GALNT9: variants seen among roughly 807,000 people sequenced by gnomAD.
GALNT9 encodes polypeptide N-acetylgalactosaminyltransferase 9.
GALNT9 carries 47 observed loss-of-function variants against 63.1 expected under a neutral mutation model. The ratio of observed to expected loss-of-function variants is 0.75; its 90% CI spans 0.59 to 0.95. The LOEUF is 0.95. GALNT9 is among the 40% of genes least tolerant of loss of function. GALNT9 has a pLI of 0.00. For synonymous variants in GALNT9, 396 were observed against 365.7 expected, an observed-to-expected ratio of 1.08 and a Z score of -0.94; for missense variants, 829 against 874.8, an observed-to-expected ratio of 0.95 and a Z score of 0.66.
chr12:132,287,498 C>A (rs1243201712), intron 1 of GALNT9, among the ~76,000 whole-genome samples: 2 of 152,154 alleles, frequency 1.3e-5, no homozygotes, highest in African/African-American at 4.8e-5. Flanking sequence ...AGAACCGAGC[C>A]GTCGACACAG....
intron 5 of GALNT9, among the ~76,000 whole-genome samples, chr12:132,250,699 G>A (rs1354104362): frequency 1.3e-5 from 2 of 152,228 alleles, no homozygotes; most frequent in Non-Finnish European, 2.9e-5. Context: ...GCTGAGGCAG[G>A]AGAATCACTT....
intron 6 of GALNT9, among the ~76,000 whole-genome samples, chr12:132,231,025 C>A (rs1877873073): frequency 6.9e-6 from 1 of 144,198 alleles, no homozygotes; most frequent in South Asian, 2.2e-4. Flanking sequence ...TAGTGCCACA[C>A]ACTCGATGGG....
chr12:132,299,298 C>G, intron 1 of GALNT9, among the ~76,000 whole-genome samples: 1 of 143,192 alleles, frequency 7.0e-6, no homozygotes, highest in East Asian at 2.2e-4. Context: ...CTCACCCACT[C>G]CCACCACATC....
intron 1 of GALNT9, among the ~76,000 whole-genome samples, chr12:132,308,749 T>G (rs1250322586): frequency 6.6e-6 from 1 of 152,190 alleles, no homozygotes; most frequent in Non-Finnish European, 1.5e-5. Flanking sequence ...ACAGTGAGGC[T>G]CACCGTGGCC....
intron 6 of GALNT9, among the ~76,000 whole-genome samples, chr12:132,214,361 G>A (rs1363950612): frequency 6.6e-6 from 1 of 152,200 alleles, no homozygotes; most frequent in Non-Finnish European, 1.5e-5. Flanking sequence ...TGTATCTGAT[G>A]CTTTGACATC....
At chr12:132,308,966 G>C (rs1881718068) in intron 1 of GALNT9, among the ~76,000 whole-genome samples, 1 of 152,200 alleles carries the variant, frequency 6.6e-6, no homozygotes, top group South Asian at 2.1e-4. Flanking sequence ...CGGCTGTGGA[G>C]CAGGGGTCAG....
chr12:132,209,352 C>A (rs1284972977), intron 6 of GALNT9, among the ~76,000 whole-genome samples: 4 of 151,654 alleles, frequency 2.6e-5, no homozygotes, highest in African/African-American at 9.7e-5. Context: ...TGGTGAAATG[C>A]CGTCTTTACT....
chr12:132,240,732 G>A (rs2136899333), intron 6 of GALNT9: 2 of 455,750 alleles, frequency 4.4e-6, no homozygotes, highest in Non-Finnish European at 8.8e-6. Flanking sequence ...CTGTTTCCTG[G>A]GAAGTTACCA....
At chr12:132,214,239 AGCGACTCCGCCCTCCCTCACCACACCG>A (rs1432080540) in intron 6 of GALNT9, among the ~76,000 whole-genome samples, 1 of 152,184 alleles carries the variant, frequency 6.6e-6, no homozygotes, top group Non-Finnish European at 1.5e-5. Flanking sequence ...TAACCAGGCC[AGCGACTCCGCCCTCCCTCACCACACCG>A]GCGACTCCAC....
At chr12:132,225,485 CAT>C in intron 6 of GALNT9, among the ~76,000 whole-genome samples, 1 of 148,652 alleles carries the variant, frequency 6.7e-6, no homozygotes, top group South Asian at 2.2e-4. Flanking sequence ...ATCCCACACA[CAT>C]ACATACCACA....
At chr12:132,306,411 C>T (rs1555244660) in intron 1 of GALNT9, among the ~76,000 whole-genome samples, 4 of 152,118 alleles carry the variant, frequency 2.6e-5, no homozygotes, top group Non-Finnish European at 5.9e-5. Flanking sequence ...AGGGGCGCCC[C>T]GGAGCCATGC....
chr12:132,293,042 T>C lies in GALNT9; in HGVS notation c.239-6612A>G, dbSNP rs77980833. Among the ~76,000 whole-genome samples the C allele has an allele frequency of 5.8e-3, 874 of 151,986 alleles. 36 individuals carry two copies. The East Asian group carries it at 0.11, about 20-fold the overall frequency. ...GGGTTTCAGCTCTGTTCACCAGGTG[T>C]GGGAGTGGCGGGGCCAGGGCTGCCA... On this transcript the variant is annotated intron_variant, in intron 1 of 10. Coordinates refer to ENST00000328957, the MANE Select transcript of GALNT9 (RefSeq NM_001122636.2).
chr12:132,290,198 C>T (rs1200241667), intron 1 of GALNT9, among the ~76,000 whole-genome samples: 1 of 152,116 alleles, frequency 6.6e-6, no homozygotes, highest in Non-Finnish European at 1.5e-5. Flanking sequence ...CGATGATGTC[C>T]CTGTTCCCAG....
Position 132,312,932 on chromosome 12 carries a change from C to T in GALNT9, c.238+16034G>A, listed in dbSNP as rs192302525. 5.3e-5 allele frequency among the ~76,000 whole-genome samples: 8 copies of T among 152,234 alleles called. No individual in the cohort carries two copies. The South Asian group carries it at 8.3e-4, about 16-fold the overall frequency. On this transcript the variant is annotated intron_variant, in intron 1 of 10. Transcript: ENST00000328957. ...AACTCCACATGGATGCACTGGGACC[C>T]AACCTGCCTTCCTCGTCTTCTCTCG...
rs1380672563 is a variant in GALNT9, at chr12:132,327,664, G to C, written c.238+1302C>G. On this transcript the variant is annotated intron_variant, in intron 1 of 10. Transcript: ENST00000328957. This position sits in a 1 kb window ranked among gnomAD's most constrained non-coding sequence, Gnocchi z 4.3. ...TCCCCTCGTGGCTCCAGCTGAATCA[G>C]AAAGATCAGAGAAGCCACAGAGCTC... 6.6e-6 allele frequency among the ~76,000 whole-genome samples: 1 copy of C among 152,158 alleles called. No individual in the cohort carries two copies. Among genetic ancestry groups the C allele is most frequent in the Non-Finnish European group, 1.5e-5 (1 of 68,040 alleles).
At chr12:132,218,552 T>A (rs1799861158) in intron 6 of GALNT9, among the ~76,000 whole-genome samples, 1 of 152,178 alleles carries the variant, frequency 6.6e-6, no homozygotes, top group Admixed American at 6.5e-5. Context: ...GGAGCCCAGG[T>A]CGGTTTCGGG....
In GALNT9 at chr12:132,236,227, T is replaced by C. The variant is rs1877996562; in HGVS notation, c.1077+11683A>G. ...AGCCTCCCTCCCCCAGGCATCGATC[T>C]CGTGAATAAATCAGCAATGACAGCC... On this transcript the variant is annotated intron_variant, in intron 6 of 10. Coordinates refer to ENST00000328957, the MANE Select transcript of GALNT9 (RefSeq NM_001122636.2). The surrounding 1 kb of genome is among the most constrained non-coding windows in gnomAD (Gnocchi z 5.6). Among the ~76,000 whole-genome samples the C allele has an allele frequency of 6.6e-6, 1 of 151,246 alleles. No individual in the cohort carries two copies. Among genetic ancestry groups the C allele is most frequent in the Non-Finnish European group, 1.5e-5 (1 of 67,786 alleles).
chr12:132,299,190 A>C (rs1382749658), intron 1 of GALNT9, among the ~76,000 whole-genome samples: 4 of 105,122 alleles, frequency 3.8e-5, no homozygotes, highest in Non-Finnish European at 7.5e-5. Flanking sequence ...TAACCAACCC[A>C]CTCCTGAGAT....
chr12:132,283,502 C>T (rs1386448800), intron 2 of GALNT9: 3 of 152,652 alleles, frequency 2.0e-5, no homozygotes, highest in African/African-American at 7.2e-5. Context: ...CCCGGAACCT[C>T]CTGCCGGAGA....
Sources: gnomAD v4.1 joint callset for allele counts (sites outside exome capture counted in the v4.1 genomes callset) on GRCh38, gnomAD v4.1.1 for gene constraint, Gnocchi (gnomAD v3.1) non-coding constraint, MANE v1.5 for transcripts, NCBI Gene and HGNC (gene_info 2026-07-23, HGNC 2026-07-21) for gene names.